CSMD3: variants seen among roughly 807,000 people sequenced by gnomAD.
CSMD3 encodes CUB and Sushi multiple domains 3, also known as CUB and sushi domain-containing protein 3.
In CSMD3, 177 loss-of-function variants were observed where a neutral mutation model predicts 435.2. That is an observed-to-expected ratio of 0.41 (90% confidence interval 0.36 to 0.46). The LOEUF (loss-of-function observed/expected upper bound fraction) is 0.46. CSMD3 is among the 20% of genes least tolerant of loss of function. CSMD3 has a pLI of 0.34. For synonymous variants in CSMD3, 1,656 were observed against 1,520.5 expected (o/e 1.09, Z -2.07); for missense variants, 4,265 against 4,504.6 (o/e 0.95, Z 1.52).
At chr8:112,709,542 A>G (rs372883150) in intron 13 of CSMD3, among the ~76,000 whole-genome samples, 1 of 152,116 alleles carries the variant, frequency 6.6e-6, no homozygotes, top group South Asian at 2.1e-4. Context: ...AAGAAATTAC[A>G]ATTCAGAGAA....
intron 7 of CSMD3, among the ~76,000 whole-genome samples, chr8:112,970,968 G>A (rs903495178): frequency 1.3e-5 from 2 of 151,950 alleles, no homozygotes; most frequent in East Asian, 1.9e-4. Context: ...TTATTCACCC[G>A]TCTCGGCCTC....
intron 6 of CSMD3, among the ~76,000 whole-genome samples, chr8:112,983,227 C>G (rs1479385116): frequency 6.6e-6 from 1 of 151,854 alleles, no homozygotes; most frequent in Non-Finnish European, 1.5e-5. Flanking sequence ...CTAACCTACT[C>G]ATCATATCCC....
At chr8:113,048,154 G>A (rs568973790) in intron 5 of CSMD3, among the ~76,000 whole-genome samples, 1 of 149,090 alleles carries the variant, frequency 6.7e-6, no homozygotes, top group South Asian at 2.1e-4. Flanking sequence ...GTGCAGTGGC[G>A]CGATCTCGGC....
intron 22 of CSMD3, among the ~76,000 whole-genome samples, chr8:112,615,260 A>C (rs1161571156): frequency 6.6e-6 from 1 of 152,132 alleles, no homozygotes; most frequent in Non-Finnish European, 1.5e-5. Flanking sequence ...CCGAATGCAT[A>C]GTGGATGAGA....
intron 27 of CSMD3, among the ~76,000 whole-genome samples, chr8:112,534,209 T>A (rs185602712): frequency 1.3e-5 from 2 of 151,944 alleles, no homozygotes; most frequent in East Asian, 3.9e-4. Flanking sequence ...CACAAAAAAG[T>A]CTTCAAAAAA....
At chr8:112,898,622 G>C (rs2082017912) in intron 10 of CSMD3, among the ~76,000 whole-genome samples, 1 of 150,784 alleles carries the variant, frequency 6.6e-6, no homozygotes, top group African/African-American at 2.4e-5. Flanking sequence ...ATTTGACATT[G>C]GGTTTCAATA....
intron 1 of CSMD3, among the ~76,000 whole-genome samples, chr8:113,396,863 A>G (rs1376047216): frequency 6.6e-6 from 1 of 151,956 alleles, no homozygotes; most frequent in African/African-American, 2.4e-5. Flanking sequence ...TTACTTATTT[A>G]TTTTCTGCCT....
At chr8:113,175,006 G>A (rs1330207374) in intron 3 of CSMD3, among the ~76,000 whole-genome samples, 1 of 151,684 alleles carries the variant, frequency 6.6e-6, no homozygotes, top group Non-Finnish European at 1.5e-5. Context: ...GCAATAAAAA[G>A]TAAAATATTT....
At chr8:112,401,038 C>T (rs1200342520) in intron 35 of CSMD3, among the ~76,000 whole-genome samples, 1 of 151,940 alleles carries the variant, frequency 6.6e-6, no homozygotes, top group African/African-American at 2.4e-5. Context: ...GAAACCCTGT[C>T]TCCAGTAAAA....
chr8:112,786,674 CATT>C (rs1645839816), intron 13 of CSMD3, among the ~76,000 whole-genome samples: 1 of 152,014 alleles, frequency 6.6e-6, no homozygotes, highest in African/African-American at 2.4e-5. Flanking sequence ...TGCTCAACAT[CATT>C]GATTATTAGA....
chr8:113,262,193 T>C (rs957665152), intron 3 of CSMD3, among the ~76,000 whole-genome samples: 1 of 152,178 alleles, frequency 6.6e-6, no homozygotes, highest in South Asian at 2.1e-4. Context: ...TTGTAACCTA[T>C]AAGAGGAAGT....
At chr8:112,918,208 T>C (rs1246534730) in intron 10 of CSMD3, among the ~76,000 whole-genome samples, 2 of 151,532 alleles carry the variant, frequency 1.3e-5, no homozygotes, top group Non-Finnish European at 3.0e-5. Flanking sequence ...AAAAATAAAT[T>C]GATCAGTACA....
chr8:112,933,521 T>C (rs748336898), intron 9 of CSMD3, among the ~76,000 whole-genome samples: 21 of 152,088 alleles, frequency 1.4e-4, no homozygotes, highest in Non-Finnish European at 2.6e-4. Flanking sequence ...CTGGAGCCCA[T>C]AATGCATTAA....
At chr8:113,000,310 A>G (rs187170981) in intron 6 of CSMD3, among the ~76,000 whole-genome samples, 88 of 152,184 alleles carry the variant, frequency 5.8e-4, no homozygotes, top group Non-Finnish European at 2.8e-4. Flanking sequence ...GGATTTGGAT[A>G]TGATTAATTG....
chr8:112,703,280 G>A (rs2076430218), intron 13 of CSMD3, among the ~76,000 whole-genome samples: 1 of 152,042 alleles, frequency 6.6e-6, no homozygotes, highest in South Asian at 2.1e-4. Context: ...TGCTGTGCAG[G>A]CAAAGAAATC....
Position 113,356,602 on chromosome 8 carries a change from T to G in CSMD3, c.179-41809A>C, listed in dbSNP as rs186598001. 6.6e-5 allele frequency among the ~76,000 whole-genome samples: 10 copies of G among 152,260 alleles called. No homozygotes were observed. In the East Asian group the frequency reaches 1.5e-3, roughly 24 times the overall value. Reference sequence around the variant, plus strand: ...AATAAATGAAATTTACTTGAACTGATGAACAAATTACATGTGATACTTATT... The same window carrying G: ...AATAAATGAAATTTACTTGAACTGAGGAACAAATTACATGTGATACTTATT... On this transcript the variant is annotated intron_variant, in intron 1 of 70. Coordinates refer to ENST00000297405, the MANE Select transcript of CSMD3 (RefSeq NM_198123.2).
At chr8:113,126,004 A>G (rs1003556684) in intron 4 of CSMD3, among the ~76,000 whole-genome samples, 2 of 152,032 alleles carry the variant, frequency 1.3e-5, no homozygotes, top group Non-Finnish European at 2.9e-5. Flanking sequence ...AATCAAGAAG[A>G]AAAACTTAAA....
chr8:112,944,269 T>C lies in CSMD3; in HGVS notation c.1508+3521A>G, dbSNP rs561741539. On this transcript the variant is annotated intron_variant, in intron 9 of 70. Transcript: ENST00000297405. ...TCTCATCTTCCAATCACAAAATATG[T>C]AGGCCTAGCAGCATCTCTTCTCCAC... Among the ~76,000 whole-genome samples the C allele has an allele frequency of 2.0e-5, 3 of 151,796 alleles. No homozygotes were observed. The South Asian group carries it at 6.2e-4, about 31-fold the overall frequency.
At chr8:112,264,381 A>C (rs1816736756) in intron 60 of CSMD3, among the ~76,000 whole-genome samples, 1 of 152,104 alleles carries the variant, frequency 6.6e-6, no homozygotes, top group Admixed American at 6.6e-5. Flanking sequence ...ATTTTGTTTA[A>C]ATTGTTTTCA....
Sources: gnomAD v4.1 joint callset for allele counts (sites outside exome capture counted in the v4.1 genomes callset) on GRCh38, gnomAD v4.1.1 for gene constraint, MANE v1.5 for transcripts, NCBI Gene and HGNC (gene_info 2026-07-23, HGNC 2026-07-21) for gene names.